The following NKAIN2 variants were observed in gnomAD, a reference collection of about 807,000 sequenced individuals.
The protein encoded by NKAIN2 is sodium/potassium-transporting ATPase subunit beta-1-interacting protein 2.
NKAIN2 carries 14 observed loss-of-function variants against 32.6 expected under a neutral mutation model. The ratio of observed to expected loss-of-function variants is 0.43; its 90% CI spans 0.28 to 0.67. NKAIN2 has a LOEUF of 0.67. Ranked by LOEUF, NKAIN2 falls within the 30% of genes least tolerant of loss-of-function variation. The pLI, the probability that NKAIN2 is intolerant of heterozygous loss-of-function variation, is 0.17. For missense variants in NKAIN2, 198 were observed against 258.3 expected (o/e 0.77, Z 1.60); for synonymous variants, 80 against 87.2 (o/e 0.92, Z 0.46).
intron 1 of NKAIN2, among the ~76,000 whole-genome samples, chr6:124,019,342 G>A (rs1229111147): frequency 2.0e-5 from 3 of 152,110 alleles, no homozygotes; most frequent in Admixed American, 6.6e-5. Flanking sequence ...TAATATTAAA[G>A]TGAGATTACC....
intron 4 of NKAIN2, among the ~76,000 whole-genome samples, chr6:124,702,349 C>G (rs1174059136): frequency 6.6e-6 from 1 of 151,942 alleles, no homozygotes; most frequent in Non-Finnish European, 1.5e-5. Flanking sequence ...GATATATTTA[C>G]AGTTAAATAT....
intron 3 of NKAIN2, among the ~76,000 whole-genome samples, chr6:124,578,991 G>C (rs1781430549): frequency 6.6e-6 from 1 of 152,132 alleles, no homozygotes; most frequent in Non-Finnish European, 1.5e-5. Context: ...AGACCATCAG[G>C]GCAGCATCTC....
chr6:124,663,181 G>A (rs527985190), intron 4 of NKAIN2, among the ~76,000 whole-genome samples: 74 of 152,118 alleles, frequency 4.9e-4, no homozygotes, highest in Admixed American at 1.3e-3. Context: ...AATCCCAGCA[G>A]TTTGGGAGGC....
At chr6:124,359,787 T>C (rs1412047247) in intron 3 of NKAIN2, among the ~76,000 whole-genome samples, 1 of 152,206 alleles carries the variant, frequency 6.6e-6, no homozygotes, top group African/African-American at 2.4e-5. Context: ...CTGATTGCTC[T>C]GGCCAGAACT....
intron 1 of NKAIN2, among the ~76,000 whole-genome samples, chr6:124,254,925 A>G (rs1452102969): frequency 6.6e-6 from 1 of 152,182 alleles, no homozygotes; most frequent in Non-Finnish European, 1.5e-5. Flanking sequence ...ATCGTGCTTA[A>G]TAGCCTTTCT....
rs186589729 is a variant in NKAIN2 at position 124,129,639 on chromosome 6, C to T, written c.55-153366C>T. 1.1e-3 allele frequency among the ~76,000 whole-genome samples: 161 copies of T among 151,576 alleles called. 1 individual carries two copies. The highest frequency in any genetic ancestry group is 2.1e-3 in the Admixed American group (32 of 15,234). On this transcript the variant is annotated intron_variant, in intron 1 of 6. Coordinates refer to ENST00000368417, the MANE Select transcript of NKAIN2 (RefSeq NM_001040214.3). The stretch of plus-strand genomic sequence containing the variant: ...GAACAGCAATCTTTTTTTTTTGAGA[C>T]GAAGTTTCCCTTTTGTTGCCCAAGC...
intron 1 of NKAIN2, among the ~76,000 whole-genome samples, chr6:124,275,720 A>T (rs1246516466): frequency 1.3e-5 from 2 of 152,174 alleles, no homozygotes; most frequent in Non-Finnish European, 2.9e-5. Context: ...TAACCAATAG[A>T]ATAAGAAACA....
intron 1 of NKAIN2, among the ~76,000 whole-genome samples, chr6:124,006,824 G>A (rs960310483): frequency 2.6e-5 from 4 of 152,116 alleles, no homozygotes; most frequent in African/African-American, 9.7e-5. Context: ...AAAGAAGAAA[G>A]GTCTATTATC....
chr6:123,935,272 T>C lies in NKAIN2; in HGVS notation c.54+131018T>C, dbSNP rs1263935606. ...TGTAGTGTGACCTTATACAAAGATATCTTTCTTGGGGAGGTGTGAAATTAT... is the reference window on the plus strand; with the variant it reads ...TGTAGTGTGACCTTATACAAAGATACCTTTCTTGGGGAGGTGTGAAATTAT... On this transcript the variant is annotated intron_variant, in intron 1 of 6. Transcript: ENST00000368417. Among the ~76,000 whole-genome samples the C allele has an allele frequency of 4.0e-4, 60 of 151,250 alleles. 1 individual carries two copies. The highest frequency in any genetic ancestry group is 8.9e-5 in the Non-Finnish European group (6 of 67,754).
chr6:124,000,853 TGTAA>T (rs1376102869), intron 1 of NKAIN2, among the ~76,000 whole-genome samples: 66 of 152,104 alleles, frequency 4.3e-4, no homozygotes, highest in Admixed American at 4.3e-3. Flanking sequence ...GTGCCATTAT[TGTAA>T]GTGTCATTGG....
chr6:123,989,007 T>G (rs1326079503), intron 1 of NKAIN2, among the ~76,000 whole-genome samples: 2 of 152,032 alleles, frequency 1.3e-5, no homozygotes, highest in African/African-American at 4.8e-5. Flanking sequence ...TGCTCTGTTA[T>G]ACTTATTACT....
At chr6:124,493,712 C>CCG (rs1777955811) in intron 3 of NKAIN2, among the ~76,000 whole-genome samples, 1 of 129,660 alleles carries the variant, frequency 7.7e-6, no homozygotes, top group African/African-American at 3.1e-5. Flanking sequence ...ACCAACCCCC[C>CCG]CCTCCAAAAA....
intron 3 of NKAIN2, among the ~76,000 whole-genome samples, chr6:124,493,712 C>G (rs34442214): frequency 6.2e-5 from 8 of 129,660 alleles, no homozygotes; most frequent in African/African-American, 1.6e-4. Flanking sequence ...ACCAACCCCC[C>G]CCTCCAAAAA....
chr6:124,573,497 T>G (rs980259372), intron 3 of NKAIN2, among the ~76,000 whole-genome samples: 3 of 152,142 alleles, frequency 2.0e-5, no homozygotes, highest in African/African-American at 7.2e-5. Flanking sequence ...GTATTTTAAG[T>G]GGTCTTCTTG....
intron 1 of NKAIN2, among the ~76,000 whole-genome samples, chr6:123,959,108 T>C (rs761726767): frequency 2.2e-4 from 34 of 152,254 alleles, no homozygotes; most frequent in Admixed American, 7.8e-4. Context: ...GGGGTTTATA[T>C]ATGTGGTAGG....
intron 4 of NKAIN2, among the ~76,000 whole-genome samples, chr6:124,706,718 C>T (rs1422264654): frequency 6.6e-6 from 1 of 152,146 alleles, no homozygotes; most frequent in Non-Finnish European, 1.5e-5. Context: ...AACAACATGG[C>T]ACCTAATCGT....
chr6:123,889,687 T>C (rs1248914525), intron 1 of NKAIN2, among the ~76,000 whole-genome samples: 1 of 152,116 alleles, frequency 6.6e-6, no homozygotes. Context: ...AAGGAGAACA[T>C]GGTTAAATAA....
intron 3 of NKAIN2, among the ~76,000 whole-genome samples, chr6:124,442,833 C>T (rs575196485): frequency 2.0e-5 from 3 of 152,076 alleles, no homozygotes; most frequent in East Asian, 3.9e-4. Context: ...TTGGATTTTA[C>T]ATAAACTACC....
chr6:123,964,016 A>G lies in NKAIN2; in HGVS notation c.54+159762A>G, dbSNP rs772162947. Among the ~76,000 whole-genome samples, 4 of 152,150 alleles carry G rather than the reference A, an allele frequency of 2.6e-5. No homozygotes were observed. The highest frequency in any genetic ancestry group is 4.4e-5 in the Non-Finnish European group (3 of 68,032). On this transcript the variant is annotated intron_variant, in intron 1 of 6. Coordinates refer to ENST00000368417, the MANE Select transcript of NKAIN2 (RefSeq NM_001040214.3). This position sits in a 1 kb window ranked among gnomAD's most constrained non-coding sequence, Gnocchi z 4.0. The stretch of plus-strand genomic sequence containing the variant: ...CAAACATTGTTCTATCTTTGCCTTT[A>G]TAGCATATTGTTGATCATATCTCAA...
Sources: gnomAD v4.1 joint callset for allele counts (sites outside exome capture counted in the v4.1 genomes callset) on GRCh38, gnomAD v4.1.1 for gene constraint, Gnocchi (gnomAD v3.1) non-coding constraint, MANE v1.5 for transcripts, NCBI Gene and HGNC (gene_info 2026-07-23, HGNC 2026-07-21) for gene names.